Variants in PCCA observed in about 807,000 individuals in gnomAD.
PCCA encodes propionyl-CoA carboxylase subunit alpha.
A neutral mutation model predicts 101.3 loss-of-function variants in PCCA; 74 were observed. The ratio of observed to expected loss-of-function variants is 0.73; its 90% confidence interval spans 0.61 to 0.89. The LOEUF is 0.89. Ranked by LOEUF, PCCA falls within the 40% of genes least tolerant of loss-of-function variation. The pLI is 0.00. For missense variants in PCCA, 891 were observed against 907.0 expected, an observed-to-expected ratio of 0.98 and a Z score of 0.23; for synonymous variants, 294 against 313.6, an observed-to-expected ratio of 0.94 and a Z score of 0.66.
chr13:100,469,527 T>C (rs1011785944), intron 21 of PCCA, among the ~76,000 whole-genome samples: 5 of 151,694 alleles, frequency 3.3e-5, no homozygotes, highest in Non-Finnish European at 7.4e-5. Context: ...GCTTCTAATA[T>C]CAGCACTTTG....
intron 21 of PCCA, among the ~76,000 whole-genome samples, chr13:100,454,099 C>T (rs2081542302): frequency 1.3e-5 from 2 of 152,024 alleles, no homozygotes; most frequent in South Asian, 4.1e-4. Context: ...TCTCGATCTC[C>T]TGACCTCATC....
rs2051898700 is a variant in PCCA, at chr13:100,141,732, G to T, written c.301-13247G>T. ...CCAGCCTTTATTACTCTTAATTGCA[G>T]TTGGTGTATAAGTCTTTCATACCAG... is the stretch of plus-strand genomic sequence containing the variant. On this transcript the variant is annotated intron_variant, in intron 4 of 23. Transcript: ENST00000376285. Among the ~76,000 whole-genome samples, 5 of 152,256 alleles carry T rather than the reference G, an allele frequency of 3.3e-5. No homozygotes were observed. The South Asian group carries it at 1.0e-3, about 32-fold the overall frequency.
intron 6 of PCCA, among the ~76,000 whole-genome samples, chr13:100,172,414 A>T (rs536018276): frequency 6.6e-6 from 1 of 152,266 alleles, no homozygotes; most frequent in South Asian, 2.1e-4. Context: ...ATTGATTTTT[A>T]AAAATGACTT....
intron 19 of PCCA, among the ~76,000 whole-genome samples, chr13:100,405,267 A>G (rs1383844244): frequency 6.6e-6 from 1 of 152,214 alleles, no homozygotes; most frequent in Non-Finnish European, 1.5e-5. Context: ...TTTACAGGAT[A>G]ATTGCTCAGA....
intron 14 of PCCA, chr13:100,305,727 G>C (rs186983584): frequency 3.6e-4 from 130 of 361,426 alleles, no homozygotes; most frequent in African/African-American, 2.6e-3. Flanking sequence ...TGCTTTTAAA[G>C]CTGCTCCATT....
intron 6 of PCCA, among the ~76,000 whole-genome samples, chr13:100,203,293 AATGAG>A (rs2058649628): frequency 6.6e-6 from 1 of 151,370 alleles, no homozygotes; most frequent in Admixed American, 6.6e-5. Flanking sequence ...AAAAAAAAGA[AATGAG>A]ATGATAGTTT....
chr13:100,224,144 A>AG (rs944033309), intron 7 of PCCA, among the ~76,000 whole-genome samples: 2 of 152,192 alleles, frequency 1.3e-5, no homozygotes, highest in Non-Finnish European at 2.9e-5. Context: ...GAGCCCAGGG[A>AG]GGGGGTGGGA....
chr13:100,234,623 T>C (rs1434811241), intron 7 of PCCA, among the ~76,000 whole-genome samples: 5 of 145,120 alleles, frequency 3.4e-5, no homozygotes, highest in African/African-American at 1.3e-4. Context: ...TCAGGGGATG[T>C]TATTAGGTAC....
chr13:100,165,260 TA>T (rs2054908125), intron 6 of PCCA, among the ~76,000 whole-genome samples: 1 of 152,230 alleles, frequency 6.6e-6, no homozygotes, highest in Non-Finnish European at 1.5e-5. Context: ...CTGTTTTCCA[TA>T]GTGGCTGTAC....
intron 12 of PCCA, 101 bp downstream of exon 12, chr13:100,273,447 A>G (rs957139835): frequency 3.3e-6 from 3 of 917,030 alleles, no homozygotes; most frequent in Admixed American, 2.0e-5. Context: ...AACTCCATAA[A>G]GTGTTAAATA....
intron 20 of PCCA, among the ~76,000 whole-genome samples, chr13:100,441,737 C>A (rs1020876113): frequency 6.6e-6 from 1 of 152,070 alleles, no homozygotes; most frequent in Non-Finnish European, 1.5e-5. Flanking sequence ...TCATCAAATA[C>A]AAGTCTTAAT....
At chr13:100,513,387 A>G (rs1162876467) in intron 21 of PCCA, among the ~76,000 whole-genome samples, 1 of 152,268 alleles carries the variant, frequency 6.6e-6, no homozygotes, top group Non-Finnish European at 1.5e-5. Context: ...ACAAAAGGAA[A>G]AGGAACATCT....
intron 8 of PCCA, among the ~76,000 whole-genome samples, chr13:100,249,664 A>T (rs188690208): frequency 1.5e-4 from 23 of 152,302 alleles, no homozygotes; most frequent in Admixed American, 1.4e-3. Flanking sequence ...GATCACGTTG[A>T]GGAGGATTGA....
At chr13:100,428,572 C>T (rs1322551874) in intron 20 of PCCA, among the ~76,000 whole-genome samples, 1 of 152,022 alleles carries the variant, frequency 6.6e-6, no homozygotes, top group East Asian at 1.9e-4. Context: ...CTATCACATT[C>T]TTCTTCAAAT....
intron 21 of PCCA, among the ~76,000 whole-genome samples, chr13:100,496,499 G>A (rs1341929313): frequency 6.6e-6 from 1 of 151,948 alleles, no homozygotes. Context: ...GGAACGTAAC[G>A]GTGGTGCTGC....
At chr13:100,417,661 C>T (rs1274238948) in intron 19 of PCCA, among the ~76,000 whole-genome samples, 1 of 152,052 alleles carries the variant, frequency 6.6e-6, no homozygotes, top group Non-Finnish European at 1.5e-5. Context: ...TCCATTATTT[C>T]TAATTCTATG....
rs1235058640 is a variant in PCCA, at chr13:100,351,635, C to G, written c.1643+11376C>G. Among the ~76,000 whole-genome samples the G allele has an allele frequency of 2.6e-5, 4 of 152,152 alleles. No individual in the cohort carries two copies. In the East Asian group the frequency reaches 7.7e-4, roughly 29 times the overall value. On this transcript the variant is annotated intron_variant, in intron 18 of 23. Coordinates refer to ENST00000376285, the MANE Select transcript of PCCA (RefSeq NM_000282.4). ...GATGTACTAGAATGAGATTAGACAT[C>G]TTTTCTAGGAGACCAGTGTGGGCAT...
chr13:100,196,695 A>T (rs1027795024), intron 6 of PCCA, among the ~76,000 whole-genome samples: 6 of 152,210 alleles, frequency 3.9e-5, no homozygotes, highest in African/African-American at 1.4e-4. Context: ...GTTTGTGAGT[A>T]TGTCATTAGA....
At chr13:100,098,146 G>A (rs2046945630) in intron 1 of PCCA, among the ~76,000 whole-genome samples, 1 of 151,902 alleles carries the variant, frequency 6.6e-6, no homozygotes, top group Admixed American at 6.6e-5. Context: ...GGCTATAATT[G>A]TGCCTGTGAG....
Sources: allele counts gnomAD v4.1 joint callset (sites outside exome capture counted in the v4.1 genomes callset), GRCh38; gene constraint gnomAD v4.1.1; transcripts MANE v1.5; gene names NCBI Gene and HGNC (gene_info 2026-07-23, HGNC 2026-07-21).